Variants in LRRC4C observed in about 807,000 individuals in gnomAD.
The protein encoded by LRRC4C is leucine rich repeat containing 4C, also known as leucine-rich repeat-containing protein 4C.
In LRRC4C, 5 loss-of-function variants were observed where a neutral mutation model predicts 33.6. The observed-to-expected ratio is 0.15, with a 90% CI of 0.08 to 0.31. The LOEUF (loss-of-function observed/expected upper bound fraction) is 0.31, where lower values mean the gene tolerates loss of function less well. Ranked by LOEUF, LRRC4C falls within the 10% of genes least tolerant of loss-of-function variation. The pLI, the probability that LRRC4C is intolerant of heterozygous loss-of-function variation, is 1.00. For synonymous variants in LRRC4C, 329 were observed against 302.0 expected, an observed-to-expected ratio of 1.09 and a Z score of -0.93; for missense variants, 560 against 796.7, an observed-to-expected ratio of 0.70 and a Z score of 3.58.
intron 1 of LRRC4C, among the ~76,000 whole-genome samples, chr11:41,252,542 C>G (rs1948673786): frequency 6.6e-6 from 1 of 152,088 alleles, no homozygotes; most frequent in South Asian, 2.1e-4. Flanking sequence ...TTAAAGTCTT[C>G]TCGGGCAAGA....
chr11:40,195,214 CCTTTA>C (rs1862167637), intron 5 of LRRC4C, among the ~76,000 whole-genome samples: 1 of 152,044 alleles, frequency 6.6e-6, no homozygotes, highest in African/African-American at 2.4e-5. Flanking sequence ...AGTGAAGATT[CCTTTA>C]CATCATACAG....
At chr11:40,547,194 C>A (rs1195068379) in intron 3 of LRRC4C, among the ~76,000 whole-genome samples, 1 of 152,106 alleles carries the variant, frequency 6.6e-6, no homozygotes, top group Non-Finnish European at 1.5e-5. Flanking sequence ...CAGCTGAGAG[C>A]ACCAGATAAC....
intron 2 of LRRC4C, among the ~76,000 whole-genome samples, chr11:40,803,783 T>C (rs974152191): frequency 1.5e-4 from 23 of 152,104 alleles, no homozygotes; most frequent in African/African-American, 5.3e-4. Context: ...TAATTTTTAA[T>C]TTTTATGAGT....
intron 2 of LRRC4C, among the ~76,000 whole-genome samples, chr11:40,813,453 G>T (rs1381191760): frequency 6.6e-6 from 1 of 152,002 alleles, no homozygotes; most frequent in Non-Finnish European, 1.5e-5. Context: ...GGGGAAAACT[G>T]CCCCATGATT....
At chr11:40,946,393 C>T (rs553819274) in intron 1 of LRRC4C, among the ~76,000 whole-genome samples, 12 of 152,136 alleles carry the variant, frequency 7.9e-5, no homozygotes, top group African/African-American at 2.2e-4. Flanking sequence ...CTGTTATAAA[C>T]GTATCAGTGT....
intron 2 of LRRC4C, among the ~76,000 whole-genome samples, chr11:40,732,260 C>T (rs79843428): frequency 6.6e-6 from 1 of 152,118 alleles, no homozygotes. Flanking sequence ...AATCTTCCAG[C>T]TAACTCAAAT....
chr11:40,679,265 CT>C (rs371741482), intron 2 of LRRC4C, among the ~76,000 whole-genome samples: 61 of 150,978 alleles, frequency 4.0e-4, no homozygotes, highest in African/African-American at 1.4e-3. Flanking sequence ...TTAAAGGCAC[CT>C]TTTTTTTTAA....
intron 3 of LRRC4C, among the ~76,000 whole-genome samples, chr11:40,394,667 G>A (rs1023267382): frequency 1.3e-5 from 2 of 152,114 alleles, no homozygotes; most frequent in Non-Finnish European, 2.9e-5. Flanking sequence ...CATGGTTCAC[G>A]CTCTTGACTT....
At chr11:40,378,067 AC>A (rs1449257320) in intron 3 of LRRC4C, among the ~76,000 whole-genome samples, 1 of 152,050 alleles carries the variant, frequency 6.6e-6, no homozygotes, top group African/African-American at 2.4e-5. Context: ...GCAAAGATGA[AC>A]TTTTTGCTAA....
At chr11:41,086,722 A>G (rs1464244083) in intron 1 of LRRC4C, among the ~76,000 whole-genome samples, 1 of 152,156 alleles carries the variant, frequency 6.6e-6, no homozygotes, top group African/African-American at 2.4e-5. Context: ...AAAGCAGCTA[A>G]AAACTGCTAT....
intron 1 of LRRC4C, among the ~76,000 whole-genome samples, chr11:41,299,051 T>C (rs771883234): frequency 1.8e-4 from 27 of 152,186 alleles, no homozygotes; most frequent in Non-Finnish European, 3.5e-4. Context: ...ACAGGCTGAC[T>C]CCATATCTTT....
chr11:40,498,825 T>C (rs1160622412), intron 3 of LRRC4C, among the ~76,000 whole-genome samples: 1 of 152,184 alleles, frequency 6.6e-6, no homozygotes, highest in Non-Finnish European at 1.5e-5. Flanking sequence ...ATGAGGTATT[T>C]GGAACATTTT....
At chr11:41,010,535 C>T (rs2137519409) in intron 1 of LRRC4C, among the ~76,000 whole-genome samples, 1 of 152,204 alleles carries the variant, frequency 6.6e-6, no homozygotes, top group South Asian at 2.1e-4. Context: ...GTTGACTTGG[C>T]AACAAAGGAT....
chr11:41,106,623 T>C (rs1279005824), intron 1 of LRRC4C, among the ~76,000 whole-genome samples: 1 of 152,142 alleles, frequency 6.6e-6, no homozygotes, highest in African/African-American at 2.4e-5. Flanking sequence ...CAGTAGTTAT[T>C]TGGCTCATGA....
chr11:40,590,964 TACAGAGGCAGGCAGGCCTC>T (rs1243090925), intron 3 of LRRC4C, among the ~76,000 whole-genome samples: 1 of 152,188 alleles, frequency 6.6e-6, no homozygotes. Context: ...AGGTGGAGCC[TACAGAGGCAGGCAGGCCTC>T]CTTGAGCTGT....
chr11:40,220,607 A>G (rs1407071147), intron 5 of LRRC4C, among the ~76,000 whole-genome samples: 1 of 152,148 alleles, frequency 6.6e-6, no homozygotes, highest in Non-Finnish European at 1.5e-5. Flanking sequence ...TTGTTGGCAA[A>G]AGCAACAGTT....
chr11:41,365,087 G>A (rs978559119), intron 1 of LRRC4C, among the ~76,000 whole-genome samples: 1 of 152,128 alleles, frequency 6.6e-6, no homozygotes, highest in African/African-American at 2.4e-5. Flanking sequence ...TGCAAAGCAG[G>A]AGCTGAGTAT....
chr11:40,213,284 G>A (rs978767939), intron 5 of LRRC4C, among the ~76,000 whole-genome samples: 1 of 152,074 alleles, frequency 6.6e-6, no homozygotes, highest in African/African-American at 2.4e-5. Context: ...TTGGATTTTG[G>A]TCTTCTTCTT....
chr11:41,299,032 A>T (rs555481573), intron 1 of LRRC4C, among the ~76,000 whole-genome samples: 1 of 152,216 alleles, frequency 6.6e-6, no homozygotes, highest in East Asian at 1.9e-4. Context: ...TTTAATCATT[A>T]TTTGATGGAC....
Sources: allele counts gnomAD v4.1 joint callset (sites outside exome capture counted in the v4.1 genomes callset), GRCh38; gene constraint gnomAD v4.1.1; transcripts MANE v1.5; gene names NCBI Gene and HGNC (gene_info 2026-07-23, HGNC 2026-07-21).